Variants in KHDRBS3 observed in about 807,000 individuals in gnomAD.
The protein encoded by KHDRBS3 is KH RNA binding domain containing, signal transduction associated 3, also known as KH domain-containing, RNA-binding, signal transduction-associated protein 3.
In KHDRBS3, 23 loss-of-function variants were observed where a neutral mutation model predicts 45.6. That is an observed-to-expected ratio of 0.50 (90% CI 0.36 to 0.72). The LOEUF (loss-of-function observed/expected upper bound fraction) is 0.72, where lower values mean the gene tolerates loss of function less well. KHDRBS3 is among the 30% of genes least tolerant of loss of function. The pLI, the probability that KHDRBS3 is intolerant of heterozygous loss-of-function variation, is 0.00. For missense variants in KHDRBS3, 352 were observed against 424.8 expected, an observed-to-expected ratio of 0.83 and a Z score of 1.51; for synonymous variants, 162 against 156.5, an observed-to-expected ratio of 1.04 and a Z score of -0.26.
At chr8:135,542,302 TTTCTCACCTACA>T (rs1826083281) in intron 2 of KHDRBS3, 1 of 184,386 alleles carries the variant, frequency 5.4e-6, no homozygotes, top group Non-Finnish European at 1.1e-5. Context: ...GGTGTCATTT[TTTCTCACCTACA>T]TTCTCATCCT....
At chr8:135,613,787 A>T (rs547416299) in intron 7 of KHDRBS3, among the ~76,000 whole-genome samples, 1 of 151,630 alleles carries the variant, frequency 6.6e-6, no homozygotes, top group Non-Finnish European at 1.5e-5. Flanking sequence ...ACCTGAAAAC[A>T]AACTTGAGTA....
At chr8:135,604,631 G>T (rs1586791134) in intron 6 of KHDRBS3, among the ~76,000 whole-genome samples, 1 of 150,440 alleles carries the variant, frequency 6.6e-6, no homozygotes, top group Admixed American at 6.6e-5. Context: ...CTTTTTAATA[G>T]CTCCATTCTC....
rs183828381 is a variant in KHDRBS3 at position 135,460,086 on chromosome 8, A to G, written c.88+2132A>G. The stretch of plus-strand genomic sequence containing the variant: ...TTAATTACACGCTTATGTAACTGCA[A>G]AATTACAAGTGTTTTAAATCTGAAG... On this transcript the variant is annotated intron_variant, in intron 1 of 8. Transcript: ENST00000355849. Among the ~76,000 whole-genome samples the G allele has an allele frequency of 9.2e-5, 14 of 152,360 alleles. No individual in the cohort carries two copies. In the East Asian group the frequency reaches 2.5e-3, roughly 27 times the overall value.
intron 7 of KHDRBS3, among the ~76,000 whole-genome samples, chr8:135,619,333 T>A (rs957951923): frequency 6.6e-6 from 1 of 152,262 alleles, no homozygotes; most frequent in Admixed American, 6.5e-5. Context: ...TTGGATATAG[T>A]CTTAAACATT....
intron 7 of KHDRBS3, among the ~76,000 whole-genome samples, chr8:135,640,362 CAT>C (rs1831010381): frequency 6.6e-6 from 1 of 152,104 alleles, no homozygotes; most frequent in African/African-American, 2.4e-5. Context: ...TAACCCCACT[CAT>C]AGAGGTGGGA....
intron 1 of KHDRBS3, among the ~76,000 whole-genome samples, chr8:135,486,227 A>AT (rs1291180683): frequency 1.3e-5 from 2 of 151,900 alleles, no homozygotes. Context: ...TAAAGGTATC[A>AT]TTTTTTTCTC....
chr8:135,512,629 C>A (rs1824361669), intron 1 of KHDRBS3, among the ~76,000 whole-genome samples: 2 of 152,142 alleles, frequency 1.3e-5, no homozygotes. Flanking sequence ...CACTATACTC[C>A]TTTAAATTAT....
downstream of KHDRBS3, chr8:135,647,963 T>C (rs1287480819): frequency 6.6e-6 from 1 of 152,160 alleles, no homozygotes; most frequent in Non-Finnish European, 1.5e-5. Flanking sequence ...TAGTGCAACT[T>C]TGGATTTTTT....
chr8:135,507,683 C>T (rs545047978), intron 1 of KHDRBS3, among the ~76,000 whole-genome samples: 18 of 152,186 alleles, frequency 1.2e-4, no homozygotes, highest in African/African-American at 3.9e-4. Flanking sequence ...TGACTCTAGG[C>T]GGAGCAATAT....
chr8:135,496,725 A>G (rs1456618034), intron 1 of KHDRBS3, among the ~76,000 whole-genome samples: 2 of 152,212 alleles, frequency 1.3e-5, no homozygotes, highest in Admixed American at 6.5e-5. Context: ...AAAGTGGTTT[A>G]AAACAGTGTG....
rs142481228 is a variant in KHDRBS3, at chr8:135,494,001, A to G, written c.89-27236A>G. Among the ~76,000 whole-genome samples the G allele has an allele frequency of 7.0e-4, 107 of 152,252 alleles. 1 individual carries two copies. The Middle Eastern group carries it at 0.014, about 19-fold the overall frequency. On this transcript the variant is annotated intron_variant, in intron 1 of 8. Coordinates refer to ENST00000355849, the MANE Select transcript of KHDRBS3 (RefSeq NM_006558.3). ...TGAGCTTTGGTAGTTTAAGGAAATA[A>G]TCTCATCTGAATTATCAAATTTATT...
intron 4 of KHDRBS3, 110 bp from the exon 5 acceptor site, chr8:135,557,338 C>T: frequency 2.0e-6 from 1 of 500,718 alleles, no homozygotes; most frequent in South Asian, 6.7e-5. Flanking sequence ...TTTGTAAATT[C>T]AACTATTTTC....
At chr8:135,594,683 G>A (rs2130977435) in intron 6 of KHDRBS3, among the ~76,000 whole-genome samples, 1 of 152,300 alleles carries the variant, frequency 6.6e-6, no homozygotes, top group Non-Finnish European at 1.5e-5. Flanking sequence ...TATAAAAATT[G>A]TAATATCCAG....
intron 1 of KHDRBS3, among the ~76,000 whole-genome samples, chr8:135,520,166 A>G (rs1018349014): frequency 2.0e-5 from 3 of 152,190 alleles, no homozygotes; most frequent in African/African-American, 7.2e-5. Flanking sequence ...CACATATTAA[A>G]TTCTTAAATG....
At chr8:135,499,366 C>CGCGGCT (rs771098306) in intron 1 of KHDRBS3, among the ~76,000 whole-genome samples, 11 of 152,152 alleles carry the variant, frequency 7.2e-5, no homozygotes, top group Non-Finnish European at 1.2e-4. Flanking sequence ...GCTAAAGTTA[C>CGCGGCT]GCGGCTGCTA....
At chr8:135,621,826 T>C (rs1830155068) in intron 7 of KHDRBS3, among the ~76,000 whole-genome samples, 1 of 152,116 alleles carries the variant, frequency 6.6e-6, no homozygotes, top group African/African-American at 2.4e-5. Flanking sequence ...ACTAAGTGTC[T>C]ATAGAAAGAT....
At chr8:135,544,599 A>G (rs1172699810) in intron 3 of KHDRBS3, among the ~76,000 whole-genome samples, 1 of 152,112 alleles carries the variant, frequency 6.6e-6, no homozygotes, top group Non-Finnish European at 1.5e-5. Context: ...GCTGATGAGC[A>G]CCTTGAGTTG....
intron 1 of KHDRBS3, among the ~76,000 whole-genome samples, chr8:135,481,071 A>C (rs554401292): frequency 6.6e-6 from 1 of 151,612 alleles, no homozygotes. Context: ...TTGTTTAAAA[A>C]TTTTTCATTA....
intron 7 of KHDRBS3, among the ~76,000 whole-genome samples, chr8:135,617,558 G>A (rs545909784): frequency 1.3e-5 from 2 of 152,194 alleles, no homozygotes; most frequent in Admixed American, 6.5e-5. Flanking sequence ...GATTATAGGC[G>A]TGAGCCACCA....
Sources: allele counts gnomAD v4.1 joint callset (sites outside exome capture counted in the v4.1 genomes callset), GRCh38; gene constraint gnomAD v4.1.1; transcripts MANE v1.5; gene names NCBI Gene and HGNC (gene_info 2026-07-23, HGNC 2026-07-21).